Variants in COX6B2 observed in about 807,000 individuals in gnomAD.
COX6B2 encodes COX VIb-2.
A neutral mutation model predicts 13.7 loss-of-function variants in COX6B2; 12 were observed. That is an observed-to-expected ratio of 0.87 (90% CI 0.56 to 1.41). The LOEUF (loss-of-function observed/expected upper bound fraction) is 1.41. COX6B2 is among the 40% of genes most tolerant of loss of function. COX6B2 has a pLI of 0.00. For missense variants in COX6B2, 130 were observed against 118.3 expected (o/e 1.10, Z -0.46); for synonymous variants, 56 against 46.6 (o/e 1.20, Z -0.82).
chr19:55,354,255 C>A (rs2089692106), intron 2 of COX6B2, 155 bp downstream of exon 2: 1 of 656,168 alleles, frequency 1.5e-6, no homozygotes, highest in Non-Finnish European at 2.6e-6. Context: ...CCAGGCTCAG[C>A]CCCGCCTTTT....
intron 2 of COX6B2, 75 bp downstream of exon 2, chr19:55,354,335 T>C (rs2089693593): frequency 1.7e-6 from 2 of 1,149,802 alleles, no homozygotes; most frequent in Non-Finnish European, 2.5e-6. Flanking sequence ...CCGCGGGACT[T>C]AGGGTGGGAG....
chr19:55,350,318 A>C lies in COX6B2; in HGVS notation c.*597T>G, dbSNP rs2089661863. On this transcript the variant is annotated 3_prime_UTR_variant, in exon 5 of 5. Transcript: ENST00000326529. This position sits in a 1 kb window ranked among gnomAD's most constrained non-coding sequence, Gnocchi z 4.2. ...CCAGGAGCATGCCTCTGCCCCAACC[A>C]AAAATGTCTCCAGACCTTGCCTGAT... 1 of 152,210 alleles carries C rather than the reference A, an allele frequency of 6.6e-6. No individual in the cohort carries two copies. Among genetic ancestry groups the C allele is most frequent in the Non-Finnish European group, 1.5e-5 (1 of 68,110 alleles). The allele number at this position is 152,210 out of a possible 1,614,324, so 9.4% of individuals were successfully genotyped here.
At chr19:55,354,294 G>T in intron 2 of COX6B2, 116 bp downstream of exon 2, 1 of 363,672 alleles carries the variant, frequency 2.7e-6, no homozygotes, top group Non-Finnish European at 4.6e-6. Context: ...CCACCAACCC[G>T]GCCCCGCCCG....
At position 55,353,709 on chromosome 19, in the gene COX6B2, G is replaced by A. The variant is rs767447246; in HGVS notation, c.*12C>T. On this transcript the variant is annotated 3_prime_UTR_variant, in exon 4 of 5. Transcript: ENST00000326529. ...GATCACTGCATCTTCAGAGGAAGCCGCGCTGGGGCAGTCAGATTTTGCCGG... is the reference window on the plus strand; with the variant it reads ...GATCACTGCATCTTCAGAGGAAGCCACGCTGGGGCAGTCAGATTTTGCCGG... 1.9e-6 allele frequency: 3 copies of A among 1,607,914 alleles called. No individual in the cohort carries two copies. Among genetic ancestry groups the A allele is most frequent in the Non-Finnish European group, 2.5e-6 (3 of 1,177,038 alleles).
chr19:55,353,266 A>G (rs1184159610), intron 4 of COX6B2: 1 of 251,910 alleles, frequency 4.0e-6, no homozygotes, highest in Non-Finnish European at 7.9e-6. Flanking sequence ...GGAGTAGGGA[A>G]AGGACTGAGG....
Position 55,353,924 on chromosome 19 carries a change from C to T in COX6B2, c.155G>A (p.Ser52Asn). 6.4e-7 allele frequency: 1 copy of T among 1,569,648 alleles called. No individual in the cohort carries two copies. The highest frequency in any genetic ancestry group is 8.6e-7 in the Non-Finnish European group (1 of 1,159,604). The change falls in exon 3 of 5, where the codon AGC (serine) becomes AAC (asparagine). Residue 52 changes from serine (S) to asparagine (N), a missense_variant. Physicochemically the swap from Ser to Asn is conservative, Grantham distance 46. Transcript: ENST00000326529. The stretch of plus-strand genomic sequence containing the variant: ...GAAATAGTACTCGCAGGGCTGCGTG[C>T]TCTTCCCGCGGCGGGTCCTGGTCTT... ...CLKTRTRRGK[S>N]TQPCEYYFRV...
At chr19:55,351,044 G>A (rs1379988004) in intron 4 of COX6B2, among the ~76,000 whole-genome samples, 4 of 152,162 alleles carry the variant, frequency 2.6e-5, no homozygotes, top group South Asian at 2.1e-4. Flanking sequence ...CTGTCTGTCC[G>A]GTCAATCAGT....
At position 55,350,068 on chromosome 19, in the gene COX6B2, A is replaced by T. The variant is rs1268242650; in HGVS notation, c.*847T>A. On this transcript the variant is annotated 3_prime_UTR_variant, in exon 5 of 5. Coordinates refer to ENST00000326529, the MANE Select transcript of COX6B2 (RefSeq NM_144613.5). This position sits in a 1 kb window ranked among gnomAD's most constrained non-coding sequence, Gnocchi z 4.2. Reference sequence around the variant, plus strand: ...CTTGAACCCGGGAGGCAGAGGTTGCAGTGAGCTGAGATCGCATCATTGTAC... The same window carrying T: ...CTTGAACCCGGGAGGCAGAGGTTGCTGTGAGCTGAGATCGCATCATTGTAC... The T allele has an allele frequency of 3.3e-5, 5 of 152,244 alleles. No individual in the cohort carries two copies. The highest frequency in any genetic ancestry group is 3.3e-4 in the Admixed American group (5 of 15,282). The allele number at this position is 152,244 out of a possible 1,614,324, so 9.4% of individuals were successfully genotyped here.
Position 55,353,883 on chromosome 19 carries a change from G to T in COX6B2, c.196C>A (p.Leu66Met). The change falls in exon 3 of 5, where the codon CTG (leucine) becomes ATG (methionine). Residue 66 changes from leucine (L) to methionine (M), a missense_variant. Leu to Met is a conservative substitution (Grantham distance 15, BLOSUM62 2). Transcript: ENST00000326529. The part of the protein sequence containing the change: ...CEYYFRVYHS[L>M]CPISWVESWN... Reference sequence around the variant, plus strand: ...CGACTCACCCAGCTGATGGGGCACAGCGAGTGGTACACGCGGAAATAGTAC... The same window carrying T: ...CGACTCACCCAGCTGATGGGGCACATCGAGTGGTACACGCGGAAATAGTAC... The T allele has an allele frequency of 6.4e-7, 1 of 1,573,938 alleles. No homozygotes were observed.
chr19:55,353,837 C>T (rs1188005159), intron 3 of COX6B2, 29 bp downstream of exon 3: 1 of 1,585,700 alleles, frequency 6.3e-7, no homozygotes, highest in Non-Finnish European at 8.6e-7. Flanking sequence ...CTGCACACGC[C>T]TGGCCCGGCG....
At position 55,351,397 on chromosome 19, in the gene COX6B2, C is replaced by T. The variant is rs115064798; in HGVS notation, c.*115-597G>A. Among the ~76,000 whole-genome samples, 1,037 of 152,136 alleles carry T rather than the reference C, an allele frequency of 6.8e-3. 8 individuals carry two copies. The highest frequency in any genetic ancestry group is 0.024 in the African/African-American group (988 of 41,498). Reference sequence around the variant, plus strand: ...CCTTCAGGATGGGAAAGGGGGAAACCCAGAGAGAGGAGGCGAAGCTGCGGC... The same window carrying T: ...CCTTCAGGATGGGAAAGGGGGAAACTCAGAGAGAGGAGGCGAAGCTGCGGC... On this transcript the variant is annotated intron_variant, in intron 4 of 4. Transcript: ENST00000326529.
In COX6B2 at chr19:55,354,195, C is replaced by A. The variant is rs1375934119; in HGVS notation, c.112+215G>T. The A allele has an allele frequency of 6.2e-6, 4 of 640,620 alleles. No individual in the cohort carries two copies. The Admixed American group carries it at 9.9e-5, about 16-fold the overall frequency. The allele number at this position is 640,620 out of a possible 1,614,324, so 39.7% of individuals were successfully genotyped here. On this transcript the variant is annotated intron_variant, in intron 2 of 4. Transcript: ENST00000326529. ...TCGCCCCGCACCTTCACGACTCGGCCCCGCACCTTCCAGATCAGGCCTCGC... is the reference window on the plus strand; with the variant it reads ...TCGCCCCGCACCTTCACGACTCGGCACCGCACCTTCCAGATCAGGCCTCGC...
At chr19:55,353,494 C>A in intron 4 of COX6B2, 113 bp downstream of exon 4, 2 of 597,090 alleles carry the variant, frequency 3.3e-6, no homozygotes, top group South Asian at 4.0e-5. Flanking sequence ...CCCCCACCTG[C>A]CCCTTATCGG....
In COX6B2 at chr19:55,353,739, A is replaced by G. The variant is rs759928619; in HGVS notation, c.249T>C (p.Ile83=). Residue 83 remains isoleucine (I), a synonymous_variant, in exon 4 of 5, where the codon ATT becomes ATC. Coordinates refer to ENST00000326529, the MANE Select transcript of COX6B2 (RefSeq NM_144613.5). ...GGGGCAGTCAGATTTTGCCGGCGAA[A>G]ATCCCGTTCTTGATCTGCTCGTTCC... The part of the protein sequence containing the change: ...ESWNEQIKNG[I]FAGKI 32 of 1,609,894 alleles carry G rather than the reference A, an allele frequency of 2.0e-5. No individual in the cohort carries two copies. The highest frequency in any genetic ancestry group is 2.7e-5 in the Non-Finnish European group (32 of 1,177,736).
At chr19:55,353,258 A>C in intron 4 of COX6B2, 1 of 236,814 alleles carries the variant, frequency 4.2e-6, no homozygotes, top group Non-Finnish European at 8.5e-6. Flanking sequence ...GCAGGAGGGG[A>C]GTAGGGAAAG....
rs1295704377 is a variant in COX6B2 at position 55,353,643 on chromosome 19, G to C, written c.*78C>G. ...GCTTAGACACTGGGAGGTAGGGGTG[G>C]ATAACCGAGACCCGGGGCTCCGCGA... On this transcript the variant is annotated 3_prime_UTR_variant, in exon 4 of 5. Transcript: ENST00000326529. 5.7e-6 allele frequency: 8 copies of C among 1,393,880 alleles called. No individual in the cohort carries two copies. The African/African-American group carries it at 9.9e-5, about 17-fold the overall frequency. 86.3% of individuals were successfully genotyped at this position (1,393,880 alleles called of 1,614,324 possible). A position where few individuals can be genotyped will look rare whatever the true frequency, so the allele number is the denominator to read the frequency against.
At chr19:55,353,258 A>G in intron 4 of COX6B2, 1 of 236,814 alleles carries the variant, frequency 4.2e-6, no homozygotes, top group South Asian at 4.5e-5. Context: ...GCAGGAGGGG[A>G]GTAGGGAAAG....
chr19:55,353,562 G>T, intron 4 of COX6B2, 45 bp downstream of exon 4: 1 of 701,604 alleles, frequency 1.4e-6, no homozygotes, highest in South Asian at 1.8e-5. Flanking sequence ...CCACCACGAC[G>T]CATCGCTGGC....
chr19:55,351,073 A>G (rs915643339), intron 4 of COX6B2, among the ~76,000 whole-genome samples: 8 of 152,144 alleles, frequency 5.3e-5, no homozygotes, highest in African/African-American at 1.7e-4. Context: ...CCAGCACAAT[A>G]TGGGGCACCA....
Sources: gnomAD v4.1 joint callset for allele counts (sites outside exome capture counted in the v4.1 genomes callset) on GRCh38, gnomAD v4.1.1 for gene constraint, Gnocchi (gnomAD v3.1) non-coding constraint, MANE v1.5 for transcripts, NCBI Gene and HGNC (gene_info 2026-07-23, HGNC 2026-07-21) for gene names.